The following SLC25A26 variants were observed in gnomAD, a reference collection of about 807,000 sequenced individuals.
SLC25A26 encodes solute carrier family 25 member 26.
In SLC25A26, 36 loss-of-function variants were observed where a neutral mutation model predicts 37.8. The observed-to-expected ratio is 0.95, with a 90% confidence interval of 0.73 to 1.26. The LOEUF (loss-of-function observed/expected upper bound fraction) is 1.26. Ranked by LOEUF, SLC25A26 falls within the 50% of genes most tolerant of loss-of-function variation. The probability of loss-of-function intolerance (pLI) is 0.00; values close to 1 mark genes in which losing one functional copy is unlikely to be tolerated. For synonymous variants in SLC25A26, 129 were observed against 122.5 expected, an observed-to-expected ratio of 1.05 and a Z score of -0.35; for missense variants, 390 against 331.1, an observed-to-expected ratio of 1.18 and a Z score of -1.38.
At chr3:66,358,854 G>A (rs987940996) in intron 6 of SLC25A26, among the ~76,000 whole-genome samples, 6 of 152,196 alleles carry the variant, frequency 3.9e-5, no homozygotes, top group Admixed American at 3.9e-4. Flanking sequence ...AGAATTACAT[G>A]AGCTGATGTA....
intron 1 of SLC25A26, among the ~76,000 whole-genome samples, chr3:66,148,240 A>G (rs1456085315): frequency 2.6e-5 from 4 of 152,108 alleles, no homozygotes; most frequent in African/African-American, 9.7e-5. Flanking sequence ...TGATGGGGAC[A>G]CTCAAGATTT....
At chr3:66,239,438 A>G (rs1310680226) in intron 2 of SLC25A26, among the ~76,000 whole-genome samples, 1 of 152,210 alleles carries the variant, frequency 6.6e-6, no homozygotes, top group Admixed American at 6.5e-5. Flanking sequence ...ATTCAGGCAG[A>G]TGTCCTTTCT....
chr3:66,229,814 C>A (rs1432603208), intron 1 of SLC25A26, among the ~76,000 whole-genome samples: 1 of 152,018 alleles, frequency 6.6e-6, no homozygotes. Flanking sequence ...GAAGAATAAT[C>A]GAGTCAGATT....
chr3:66,310,591 G>T (rs1425179127), intron 5 of SLC25A26, among the ~76,000 whole-genome samples: 2 of 152,168 alleles, frequency 1.3e-5, no homozygotes, highest in Non-Finnish European at 2.9e-5. Context: ...TGTGGTGTCA[G>T]TGGTCTTTAC....
chr3:66,261,798 A>G (rs1464629932), intron 3 of SLC25A26: 3 of 334,734 alleles, frequency 9.0e-6, no homozygotes, highest in Non-Finnish European at 1.6e-5. Context: ...TTGTAGACAG[A>G]TGTTCTTGGA....
At chr3:66,264,500 G>C (rs2073667808) in intron 5 of SLC25A26, among the ~76,000 whole-genome samples, 1 of 152,160 alleles carries the variant, frequency 6.6e-6, no homozygotes, top group African/African-American at 2.4e-5. Context: ...ATTACCACCT[G>C]AGCTCTGCCT....
intron 7 of SLC25A26, among the ~76,000 whole-genome samples, chr3:66,363,933 T>TC (rs2076769710): frequency 1.3e-4 from 19 of 151,788 alleles, no homozygotes; most frequent in African/African-American, 4.4e-4. Flanking sequence ...ACATGACACA[T>TC]AGTCATTAGC....
At chr3:66,295,471 G>A (rs1487362590) in intron 5 of SLC25A26, among the ~76,000 whole-genome samples, 2 of 140,552 alleles carry the variant, frequency 1.4e-5, no homozygotes, top group South Asian at 2.4e-4. Flanking sequence ...TGGTACGATC[G>A]GCTTACTGCA....
intron 5 of SLC25A26, among the ~76,000 whole-genome samples, chr3:66,293,615 G>A (rs183458711): frequency 2.0e-5 from 3 of 151,566 alleles, no homozygotes; most frequent in South Asian, 2.1e-4. Flanking sequence ...CATTTAGCTC[G>A]CAATTATAAA....
chr3:66,205,450 TAATG>T (rs1204624871), intron 1 of SLC25A26, among the ~76,000 whole-genome samples: 1 of 152,156 alleles, frequency 6.6e-6, no homozygotes, highest in African/African-American at 2.4e-5. Flanking sequence ...TTGACTAAAA[TAATG>T]AAGATAATTT....
chr3:66,363,131 A>G (rs929566460), intron 7 of SLC25A26, among the ~76,000 whole-genome samples: 1 of 151,718 alleles, frequency 6.6e-6, no homozygotes, highest in Non-Finnish European at 1.5e-5. Context: ...AAGACAACCA[A>G]TTTGTTTTTG....
chr3:66,322,819 A>G (rs2075731932), intron 5 of SLC25A26, among the ~76,000 whole-genome samples: 1 of 152,220 alleles, frequency 6.6e-6, no homozygotes, highest in Non-Finnish European at 1.5e-5. Context: ...TGAGTGCCTG[A>G]TATTGAAGAC....
chr3:66,245,453 A>G (rs1221350752), intron 3 of SLC25A26, among the ~76,000 whole-genome samples: 2 of 152,094 alleles, frequency 1.3e-5, no homozygotes, highest in Non-Finnish European at 2.9e-5. Context: ...TTAAACCCCC[A>G]TCCTTGTGAT....
intron 1 of SLC25A26, among the ~76,000 whole-genome samples, chr3:66,180,881 G>A (rs139553943): frequency 6.6e-6 from 1 of 152,146 alleles, no homozygotes; most frequent in African/African-American, 2.4e-5. Context: ...TGTAATTAAG[G>A]TTTAATGAGC....
chr3:66,311,660 T>C (rs1181440699), intron 5 of SLC25A26, among the ~76,000 whole-genome samples: 1 of 152,140 alleles, frequency 6.6e-6, no homozygotes, highest in East Asian at 1.9e-4. Context: ...GGATGACTTT[T>C]GGATAGGGTT....
At chr3:66,314,280 T>G (rs1471971785) in intron 5 of SLC25A26, among the ~76,000 whole-genome samples, 1 of 152,170 alleles carries the variant, frequency 6.6e-6, no homozygotes, top group Non-Finnish European at 1.5e-5. Context: ...CTTATTATTT[T>G]GAGGTATGAT....
intron 1 of SLC25A26, among the ~76,000 whole-genome samples, chr3:66,227,469 CA>C (rs2071811792): frequency 6.6e-6 from 1 of 152,098 alleles, no homozygotes; most frequent in Non-Finnish European, 1.5e-5. Flanking sequence ...GAGTAATAGG[CA>C]GTGATTTCTG....
At position 66,221,030 on chromosome 3, in the gene SLC25A26, C is replaced by G. The variant is rs1553658041; in HGVS notation, c.-65C>G. The G allele has an allele frequency of 6.6e-7, 1 of 1,513,830 alleles. No homozygotes were observed. Among genetic ancestry groups the G allele is most frequent in the African/African-American group, 1.4e-5 (1 of 72,516 alleles). The allele number at this position is 1,513,830 out of a possible 1,614,324, so 93.8% of individuals were successfully genotyped here. On this transcript the variant is annotated 5_prime_UTR_variant, in exon 1 of 10. Coordinates refer to ENST00000354883, the MANE Select transcript of SLC25A26 (RefSeq NM_001379210.1). ...CCGCCTCAAACATGGCGGCGCCCAGCGCGCGAGGACGTGATCCGCTTCTGC... is the reference window on the plus strand; with the variant it reads ...CCGCCTCAAACATGGCGGCGCCCAGGGCGCGAGGACGTGATCCGCTTCTGC...
chr3:66,369,667 G>C (rs938818059), intron 8 of SLC25A26, 125 bp downstream of exon 8: 3 of 768,428 alleles, frequency 3.9e-6, no homozygotes. Context: ...TATGCTGCCT[G>C]TGCAACCTCT....
Sources: gnomAD v4.1 joint callset for allele counts (sites outside exome capture counted in the v4.1 genomes callset) on GRCh38, gnomAD v4.1.1 for gene constraint, MANE v1.5 for transcripts, NCBI Gene and HGNC (gene_info 2026-07-23, HGNC 2026-07-21) for gene names.